VPS13A: variants seen among roughly 807,000 people sequenced by gnomAD.
The protein encoded by VPS13A is intermembrane lipid transfer protein VPS13A.
A neutral mutation model predicts 390.9 loss-of-function variants in VPS13A; 264 were observed. The ratio of observed to expected loss-of-function variants is 0.68; its 90% CI spans 0.61 to 0.75. VPS13A has a LOEUF of 0.75. VPS13A is among the 30% of genes least tolerant of loss of function. The pLI is 0.00. For missense variants in VPS13A, 3,409 were observed against 3,733.9 expected (o/e 0.91, Z 2.27); for synonymous variants, 1,231 against 1,227.1 (o/e 1.00, Z -0.07).
At position 77,420,970 on chromosome 9, in the gene VPS13A, A is replaced by G. The variant is rs775871036; in HGVS notation, c.*4964A>G. ...TTAATATCCACACAAACTATTAGGAATGGTATCTGGAACTTGTTACAAGGT... is the reference window on the plus strand; with the variant it reads ...TTAATATCCACACAAACTATTAGGAGTGGTATCTGGAACTTGTTACAAGGT... On this transcript the variant is annotated 3_prime_UTR_variant, in exon 72 of 72. Coordinates refer to ENST00000360280, the MANE Select transcript of VPS13A (RefSeq NM_033305.3). 12 of 152,234 alleles carry G rather than the reference A, an allele frequency of 7.9e-5. No homozygotes were observed. Among genetic ancestry groups the G allele is most frequent in the South Asian group, 2.1e-4 (1 of 4,830 alleles). 9.4% of individuals were successfully genotyped at this position (152,234 alleles called of 1,614,324 possible).
At chr9:77,370,714 A>AT in intron 65 of VPS13A, 136 bp downstream of exon 65, 1 of 1,396,006 alleles carries the variant, frequency 7.2e-7, no homozygotes, top group Non-Finnish European at 9.9e-7. Context: ...GGGTGGTAGC[A>AT]TATAAAACAT....
At chr9:77,259,864 G>C (rs1176393451) in intron 22 of VPS13A, among the ~76,000 whole-genome samples, 2 of 152,172 alleles carry the variant, frequency 1.3e-5, no homozygotes, top group Non-Finnish European at 2.9e-5. Flanking sequence ...ATAGCAAACA[G>C]TAGAAGGACA....
intron 22 of VPS13A, 138 bp downstream of exon 22, chr9:77,252,490 TG>T: frequency 1.2e-6 from 1 of 815,022 alleles, no homozygotes. Flanking sequence ...TGTGGTAAAA[TG>T]TATATAAAAT....
chr9:77,316,161 T>C lies in VPS13A; in HGVS notation c.4631-13T>C. The C allele has an allele frequency of 6.7e-7, 1 of 1,500,376 alleles. No individual in the cohort carries two copies. Among genetic ancestry groups the C allele is most frequent in the Non-Finnish European group, 9.2e-7 (1 of 1,088,844 alleles). The allele number at this position is 1,500,376 out of a possible 1,614,324, so 92.9% of individuals were successfully genotyped here. ...ATATAGCAAATATTTTAATCTATTTTTATTTGTTTTAGTACCTACACAGGA... is the reference window on the plus strand; with the variant it reads ...ATATAGCAAATATTTTAATCTATTTCTATTTGTTTTAGTACCTACACAGGA... On this transcript the variant is annotated splice_polypyrimidine_tract_variant and intron_variant, in intron 38 of 71. Coordinates refer to ENST00000360280, the MANE Select transcript of VPS13A (RefSeq NM_033305.3).
intron 5 of VPS13A, among the ~76,000 whole-genome samples, chr9:77,208,633 T>G (rs939341155): frequency 2.0e-5 from 3 of 151,528 alleles, no homozygotes; most frequent in Non-Finnish European, 4.4e-5. Context: ...CACTGCAGCC[T>G]CCACCTCTCT....
At chr9:77,340,741 A>T in intron 50 of VPS13A, 191 bp downstream of exon 50, 1 of 620,014 alleles carries the variant, frequency 1.6e-6, no homozygotes, top group Non-Finnish European at 2.7e-6. Context: ...TAATTAGGTA[A>T]CTAGGAATGC....
intron 51 of VPS13A, 99 bp downstream of exon 51, chr9:77,344,380 A>T: frequency 7.6e-7 from 1 of 1,323,732 alleles, no homozygotes; most frequent in Non-Finnish European, 1.1e-6. Context: ...ACTTCTGTTG[A>T]TTTTTCCCCT....
At chr9:77,270,098 A>T (rs888569391) in intron 23 of VPS13A, among the ~76,000 whole-genome samples, 1 of 152,030 alleles carries the variant, frequency 6.6e-6, no homozygotes, top group Non-Finnish European at 1.5e-5. Context: ...AGCTCTGGCA[A>T]TCTCATATAC....
intron 69 of VPS13A, 22 bp from the exon 70 acceptor site, chr9:77,405,842 T>C: frequency 2.5e-6 from 4 of 1,612,110 alleles, no homozygotes; most frequent in Non-Finnish European, 3.4e-6. Context: ...AGCGAATTCT[T>C]TTTTTGTTTT....
At chr9:77,403,465 A>G in intron 69 of VPS13A, 144 bp downstream of exon 69, 1 of 715,040 alleles carries the variant, frequency 1.4e-6, no homozygotes, top group South Asian at 1.5e-5. Flanking sequence ...AACTCGCTAA[A>G]CATTACATAA....
chr9:77,400,568 CT>C (rs1834337987), intron 68 of VPS13A, among the ~76,000 whole-genome samples: 2 of 151,966 alleles, frequency 1.3e-5, no homozygotes, highest in African/African-American at 4.8e-5. Context: ...TGGCTCATGC[CT>C]GTAATCCCAG....
intron 33 of VPS13A, among the ~76,000 whole-genome samples, chr9:77,301,551 G>A (rs1828354298): frequency 6.6e-6 from 1 of 152,102 alleles, no homozygotes; most frequent in South Asian, 2.1e-4. Flanking sequence ...TTAAATGATT[G>A]CCAAAATTCT....
chr9:77,218,187 C>T (rs886905651), intron 10 of VPS13A, among the ~76,000 whole-genome samples: 1 of 145,804 alleles, frequency 6.9e-6, no homozygotes, highest in African/African-American at 2.6e-5. Context: ...AATCTTGGCT[C>T]ACTGTAAGCT....
intron 23 of VPS13A, among the ~76,000 whole-genome samples, chr9:77,263,709 G>A (rs1825880603): frequency 6.6e-6 from 1 of 152,152 alleles, no homozygotes. Context: ...TGCTCACTCT[G>A]ATGATAATTT....
intron 31 of VPS13A, among the ~76,000 whole-genome samples, chr9:77,290,541 C>A (rs115277710): frequency 6.6e-6 from 1 of 152,054 alleles, no homozygotes; most frequent in East Asian, 1.9e-4. Context: ...CACTTTTTCC[C>A]TGTTCCTCTT....
chr9:77,299,921 C>T (rs559759246), intron 33 of VPS13A, among the ~76,000 whole-genome samples: 37 of 151,992 alleles, frequency 2.4e-4, no homozygotes, highest in African/African-American at 8.7e-4. Context: ...ACAGCGGGGC[C>T]TGTTGGGGTG....
At chr9:77,340,725 T>C in intron 50 of VPS13A, 175 bp downstream of exon 50, 1 of 698,846 alleles carries the variant, frequency 1.4e-6, no homozygotes. Context: ...AAGGTTCAAT[T>C]TTTAATAATT....
rs1035683691 is a variant in VPS13A at position 77,273,918 on chromosome 9, G to A, written c.2512+554G>A. ...TGTCTTCAGAGCTTTTCCTGTGTCT[G>A]CTGTTTCTTAAAATAATTGACTCAG... is the stretch of plus-strand genomic sequence containing the variant. On this transcript the variant is annotated intron_variant, in intron 24 of 71. Coordinates refer to ENST00000360280, the MANE Select transcript of VPS13A (RefSeq NM_033305.3). Among the ~76,000 whole-genome samples the A allele has an allele frequency of 6.6e-5, 10 of 152,188 alleles. No individual in the cohort carries two copies. The East Asian group carries it at 1.7e-3, about 27-fold the overall frequency.
chr9:77,384,010 C>G (rs184263357), intron 68 of VPS13A, among the ~76,000 whole-genome samples: 3 of 149,628 alleles, frequency 2.0e-5, no homozygotes, highest in African/African-American at 7.3e-5. Flanking sequence ...TTAGCAAACA[C>G]TTAAAAAATA....
Sources: gnomAD v4.1 joint callset for allele counts (sites outside exome capture counted in the v4.1 genomes callset) on GRCh38, gnomAD v4.1.1 for gene constraint, MANE v1.5 for transcripts, NCBI Gene and HGNC (gene_info 2026-07-23, HGNC 2026-07-21) for gene names.